The following ABHD2 variants were observed in gnomAD, a reference collection of about 807,000 sequenced individuals.
ABHD2 encodes abhydrolase domain containing 2, acylglycerol lipase.
ABHD2 carries 20 observed loss-of-function variants against 48.1 expected under a neutral mutation model. That is an observed-to-expected ratio of 0.42 (90% CI 0.29 to 0.60). The LOEUF (loss-of-function observed/expected upper bound fraction) is 0.60. Ranked by LOEUF, ABHD2 falls within the 20% of genes least tolerant of loss-of-function variation. ABHD2 has a pLI of 0.24. For synonymous variants in ABHD2, 209 were observed against 214.2 expected (o/e 0.98, Z 0.21); for missense variants, 405 against 550.9 (o/e 0.74, Z 2.65).
At chr15:89,125,173 T>C (rs182397058) in intron 3 of ABHD2, among the ~76,000 whole-genome samples, 284 of 152,110 alleles carry the variant, frequency 1.9e-3, no homozygotes, top group African/African-American at 6.7e-3. Flanking sequence ...GAAGAATCAC[T>C]TGAACCTGTG....
rs78702289 is a variant in ABHD2 at position 89,191,165 on chromosome 15, G to A, written c.996+16G>A. ...CCTGCACAGGGTGAGTGGCCATCAC[G>A]GGCTCAGAATCAGCATCACTCCACC... On this transcript the variant is annotated intron_variant, in intron 9 of 10. Transcript: ENST00000352732. The A allele has an allele frequency of 0.037, 59,908 of 1,612,824 alleles. 1,389 individuals carry two copies. Among genetic ancestry groups the A allele is most frequent in the South Asian group, 0.051 (4,688 of 91,046 alleles).
At position 89,175,288 on chromosome 15, in the gene ABHD2, G is replaced by A. The variant is rs184998716; in HGVS notation, c.539-524G>A. On this transcript the variant is annotated intron_variant, in intron 5 of 10. Transcript: ENST00000352732. The surrounding 1 kb of genome is among the most constrained non-coding windows in gnomAD (Gnocchi z 5.7). ...CACCCAGGCTGGAGTGCAGTGATGC[G>A]ATCTTGGCTCACTGTAGCCTCTGCC... Among the ~76,000 whole-genome samples, 706 of 152,150 alleles carry A rather than the reference G, an allele frequency of 4.6e-3. 3 individuals are homozygous for A. The highest frequency in any genetic ancestry group is 0.016 in the African/African-American group (676 of 41,504).
At chr15:89,078,578 G>A in the ABHD2 span, among the ~76,000 whole-genome samples, 10 of 152,194 alleles carry the variant, frequency 6.6e-5, no homozygotes, top group South Asian at 4.1e-4. Flanking sequence ...ATGTGATAAC[G>A]GAAGGCCATC....
At chr15:89,125,907 CCTT>C (rs1156424498) in intron 3 of ABHD2, among the ~76,000 whole-genome samples, 6 of 152,128 alleles carry the variant, frequency 3.9e-5, no homozygotes, top group Non-Finnish European at 8.8e-5. Flanking sequence ...AGACTTTATG[CCTT>C]CTTATAGGAA....
intron 5 of ABHD2, among the ~76,000 whole-genome samples, chr15:89,158,232 A>T (rs1214189268): frequency 6.6e-6 from 1 of 152,218 alleles, no homozygotes; most frequent in African/African-American, 2.4e-5. Context: ...GAAAAAACTG[A>T]GGCATAGAGA....
At chr15:89,115,959 T>C (rs1376461754) in intron 2 of ABHD2, among the ~76,000 whole-genome samples, 2 of 152,232 alleles carry the variant, frequency 1.3e-5, no homozygotes, top group African/African-American at 4.8e-5. Context: ...ATCAAAGTGC[T>C]ACCCCTAGTC....
intron 3 of ABHD2, among the ~76,000 whole-genome samples, chr15:89,130,744 A>AT (rs1407581435): frequency 3.9e-5 from 6 of 152,102 alleles, no homozygotes; most frequent in South Asian, 2.1e-4. Context: ...ATATTATGAG[A>AT]TTTTTTGTGT....
chr15:89,072,742 A>G, the ABHD2 span, among the ~76,000 whole-genome samples: 1 of 152,120 alleles, frequency 6.6e-6, no homozygotes, highest in Non-Finnish European at 1.5e-5. Flanking sequence ...TCCATTTCTT[A>G]TTGATGTCTG....
chr15:89,142,637 T>C (rs528890060), intron 3 of ABHD2, among the ~76,000 whole-genome samples: 60 of 152,318 alleles, frequency 3.9e-4, no homozygotes, highest in African/African-American at 1.4e-3. Flanking sequence ...GAAGCCAGAC[T>C]ACTCAGAGGA....
rs2051241545 is a variant in ABHD2 at position 89,188,093 on chromosome 15, T to C, written c.816-100T>C. On this transcript the variant is annotated intron_variant, in intron 7 of 10. Coordinates refer to ENST00000352732, the MANE Select transcript of ABHD2 (RefSeq NM_152924.5). The surrounding 1 kb of genome is among the most constrained non-coding windows in gnomAD (Gnocchi z 4.1). ...AAGGTTCTATTTCTAACTGACCACG[T>C]TGGCTCTCCCTCCTGGCTTGCTGTG... The C allele has an allele frequency of 1.4e-5, 13 of 909,460 alleles. No individual in the cohort carries two copies. Among genetic ancestry groups the C allele is most frequent in the South Asian group, 4.3e-5 (3 of 69,152 alleles). 56.3% of individuals were successfully genotyped at this position (909,460 alleles called of 1,614,324 possible). A position where few individuals can be genotyped will look rare whatever the true frequency, so the allele number is the denominator to read the frequency against.
the ABHD2 span, among the ~76,000 whole-genome samples, chr15:89,066,680 C>T: frequency 6.6e-6 from 1 of 152,126 alleles, no homozygotes. Flanking sequence ...ATAGGAGGTG[C>T]TGGAGGTCTT....
chr15:89,055,839 T>C, the ABHD2 span, among the ~76,000 whole-genome samples: 1 of 152,160 alleles, frequency 6.6e-6, no homozygotes, highest in Non-Finnish European at 1.5e-5. Flanking sequence ...AAATGTAGTT[T>C]ACAAACTAAT....
At chr15:89,129,955 C>T (rs2050193653) in intron 3 of ABHD2, among the ~76,000 whole-genome samples, 1 of 152,162 alleles carries the variant, frequency 6.6e-6, no homozygotes, top group African/African-American at 2.4e-5. Flanking sequence ...GAAGGTCACA[C>T]AAGCACACCT....
chr15:89,148,030 A>C (rs865805714), intron 3 of ABHD2, among the ~76,000 whole-genome samples: 33 of 149,868 alleles, frequency 2.2e-4, no homozygotes, highest in African/African-American at 7.9e-4. Context: ...GAGGCAAGAG[A>C]ATCTGTTGGA....
the ABHD2 span, among the ~76,000 whole-genome samples, chr15:89,046,068 C>A: frequency 8.5e-5 from 13 of 152,098 alleles, no homozygotes; most frequent in Non-Finnish European, 1.8e-4. Context: ...TGAAATACGT[C>A]CCATCAGTAC....
At chr15:89,172,856 T>A (rs1203023100) in intron 5 of ABHD2, among the ~76,000 whole-genome samples, 1 of 152,232 alleles carries the variant, frequency 6.6e-6, no homozygotes, top group Non-Finnish European at 1.5e-5. Context: ...TGTTGAAAGT[T>A]CCCATTCCCA....
chr15:89,189,060 G>A lies in ABHD2; in HGVS notation c.926+757G>A, dbSNP rs1416712396. Among the ~76,000 whole-genome samples the A allele has an allele frequency of 1.3e-5, 2 of 152,170 alleles. No homozygotes were observed. Among genetic ancestry groups the A allele is most frequent in the African/African-American group, 4.8e-5 (2 of 41,460 alleles). On this transcript the variant is annotated intron_variant, in intron 8 of 10. Coordinates refer to ENST00000352732, the MANE Select transcript of ABHD2 (RefSeq NM_152924.5). This position sits in a 1 kb window ranked among gnomAD's most constrained non-coding sequence, Gnocchi z 4.9. The stretch of plus-strand genomic sequence containing the variant: ...ATCTGCCTCTCTCCTCCAGGCACCT[G>A]AGGTTGCAGCCTTGACAGTGGCCTC...
At chr15:89,076,332 T>A in the ABHD2 span, among the ~76,000 whole-genome samples, 1 of 152,232 alleles carries the variant, frequency 6.6e-6, no homozygotes, top group Admixed American at 6.5e-5. Flanking sequence ...CTCATTCTTG[T>A]GGAGCAAATG....
chr15:89,066,338 A>G, the ABHD2 span, among the ~76,000 whole-genome samples: 1 of 152,074 alleles, frequency 6.6e-6, no homozygotes, highest in Admixed American at 6.6e-5. Flanking sequence ...TGGTTTGTAG[A>G]TGCATCATTC....
Sources: allele counts gnomAD v4.1 joint callset (sites outside exome capture counted in the v4.1 genomes callset), GRCh38; gene constraint gnomAD v4.1.1; non-coding constraint Gnocchi (gnomAD v3.1); transcripts MANE v1.5; gene names NCBI Gene and HGNC (gene_info 2026-07-23, HGNC 2026-07-21).